PLEKHG1: variants seen among roughly 807,000 people sequenced by gnomAD.
The protein encoded by PLEKHG1 is pleckstrin homology and RhoGEF domain containing G1.
In PLEKHG1, 44 loss-of-function variants were observed where a neutral mutation model predicts 100.8. That is an observed-to-expected ratio of 0.44 (90% CI 0.34 to 0.56). PLEKHG1 has a LOEUF of 0.56. PLEKHG1 is among the 20% of genes least tolerant of loss of function. PLEKHG1 has a pLI of 0.01. For missense variants in PLEKHG1, 1,545 were observed against 1,720.9 expected, an observed-to-expected ratio of 0.90 and a Z score of 1.81; for synonymous variants, 640 against 662.5, an observed-to-expected ratio of 0.97 and a Z score of 0.52.
chr6:150,816,490 G>A (rs1393994345), intron 10 of PLEKHG1, among the ~76,000 whole-genome samples: 1 of 151,736 alleles, frequency 6.6e-6, no homozygotes, highest in Non-Finnish European at 1.5e-5. Context: ...ACCACGCACA[G>A]CTAATTTTTG....
At chr6:150,675,281 C>G (rs567636209) in intron 3 of PLEKHG1, among the ~76,000 whole-genome samples, 2 of 152,308 alleles carry the variant, frequency 1.3e-5, no homozygotes, top group African/African-American at 4.8e-5. Flanking sequence ...GATGGGCAAA[C>G]TTGCATGATT....
At chr6:150,611,318 G>A (rs917681058) in intron 1 of PLEKHG1, among the ~76,000 whole-genome samples, 1 of 152,198 alleles carries the variant, frequency 6.6e-6, no homozygotes, top group African/African-American at 2.4e-5. Context: ...TATTCAGAAT[G>A]TAGCACTCTT....
At chr6:150,604,495 A>C (rs1176294636) in intron 1 of PLEKHG1, among the ~76,000 whole-genome samples, 1 of 152,244 alleles carries the variant, frequency 6.6e-6, no homozygotes, top group Admixed American at 6.5e-5. Flanking sequence ...AGGCCATACA[A>C]AAACAGGCTG....
chr6:150,803,810 T>C (rs931489676), intron 6 of PLEKHG1, among the ~76,000 whole-genome samples: 2 of 152,144 alleles, frequency 1.3e-5, no homozygotes, highest in Non-Finnish European at 2.9e-5. Context: ...ATTAAGGTCC[T>C]GTATGAAACA....
chr6:150,673,061 G>T (rs889923161), intron 3 of PLEKHG1, among the ~76,000 whole-genome samples: 21 of 151,886 alleles, frequency 1.4e-4, no homozygotes, highest in African/African-American at 5.1e-4. Flanking sequence ...TTTCATAGTC[G>T]GCCGGAAAGC....
intron 1 of PLEKHG1, among the ~76,000 whole-genome samples, chr6:150,632,308 T>C (rs1259027223): frequency 1.3e-5 from 2 of 152,272 alleles, no homozygotes; most frequent in African/African-American, 4.8e-5. Context: ...TGGACTTTTT[T>C]TAACAGTAGG....
At chr6:150,610,257 A>C (rs1776767460) in intron 1 of PLEKHG1, among the ~76,000 whole-genome samples, 1 of 152,108 alleles carries the variant, frequency 6.6e-6, no homozygotes, top group South Asian at 2.1e-4. Context: ...ACCTGCCACC[A>C]TGCTTGGCTA....
chr6:150,612,126 C>G (rs1446564597), intron 1 of PLEKHG1, among the ~76,000 whole-genome samples: 1 of 141,408 alleles, frequency 7.1e-6, no homozygotes, highest in African/African-American at 2.6e-5. Flanking sequence ...CCTTCCCTTT[C>G]CTGCCTTGTC....
chr6:150,745,351 C>G (rs980898847), intron 2 of PLEKHG1, among the ~76,000 whole-genome samples: 1 of 152,166 alleles, frequency 6.6e-6, no homozygotes, highest in East Asian at 1.9e-4. Context: ...TTTTGTGGTG[C>G]TTGAACTCTA....
chr6:150,713,277 GA>G (rs542001688), intron 3 of PLEKHG1, among the ~76,000 whole-genome samples: 79 of 149,692 alleles, frequency 5.3e-4, no homozygotes, highest in Non-Finnish European at 8.6e-4. Context: ...TTCTTTAGTT[GA>G]AAAAAAAAAT....
intron 2 of PLEKHG1, among the ~76,000 whole-genome samples, chr6:150,737,571 C>A (rs1297964626): frequency 6.6e-6 from 1 of 152,146 alleles, no homozygotes; most frequent in Non-Finnish European, 1.5e-5. Context: ...GGATTACAGG[C>A]GTGAGCCACC....
At chr6:150,602,965 C>T (rs1453238282) in intron 1 of PLEKHG1, among the ~76,000 whole-genome samples, 1 of 151,228 alleles carries the variant, frequency 6.6e-6, no homozygotes, top group Non-Finnish European at 1.5e-5. Flanking sequence ...CCTGTAGTCC[C>T]AGCTACTCAA....
intron 1 of PLEKHG1, among the ~76,000 whole-genome samples, chr6:150,620,235 T>C (rs1209804185): frequency 2.6e-5 from 4 of 152,242 alleles, no homozygotes; most frequent in African/African-American, 9.6e-5. Context: ...GTTTGATTGT[T>C]AGAAATAATT....
intron 3 of PLEKHG1, among the ~76,000 whole-genome samples, chr6:150,714,513 C>G (rs953663463): frequency 6.6e-6 from 1 of 152,182 alleles, no homozygotes; most frequent in African/African-American, 2.4e-5. Context: ...CAAATCATAA[C>G]TTGGTTGCAA....
At chr6:150,824,070 C>T (rs1776453139) in intron 14 of PLEKHG1, among the ~76,000 whole-genome samples, 1 of 152,232 alleles carries the variant, frequency 6.6e-6, no homozygotes, top group Non-Finnish European at 1.5e-5. Flanking sequence ...CCTCCAAGCG[C>T]GAGCCTTCAT....
chr6:150,698,052 A>T (rs1390258824), intron 3 of PLEKHG1, among the ~76,000 whole-genome samples: 3 of 152,086 alleles, frequency 2.0e-5, no homozygotes, highest in Non-Finnish European at 4.4e-5. Flanking sequence ...AATGCTTGGG[A>T]CCACAAGTGT....
At chr6:150,839,887 C>T in exon 16 of PLEKHG1, 1 of 1,614,036 alleles carries the variant, frequency 6.2e-7, no homozygotes, top group Non-Finnish European at 8.5e-7. Flanking sequence ...TTCAGAGAGT[C>T]TCCCTTGAAA....
chr6:150,615,556 T>A (rs1233925475), intron 1 of PLEKHG1, among the ~76,000 whole-genome samples: 1 of 152,172 alleles, frequency 6.6e-6, no homozygotes, highest in African/African-American at 2.4e-5. Flanking sequence ...CGAATATAAA[T>A]CTTATATATT....
chr6:150,816,111 T>C (rs1562545970), intron 10 of PLEKHG1, among the ~76,000 whole-genome samples: 1 of 152,120 alleles, frequency 6.6e-6, no homozygotes, highest in South Asian at 2.1e-4. Flanking sequence ...GACAGTCCCA[T>C]CTGGGGGTGA....
Sources: gnomAD v4.1 joint callset for allele counts (sites outside exome capture counted in the v4.1 genomes callset) on GRCh38, gnomAD v4.1.1 for gene constraint, MANE v1.5 for transcripts, NCBI Gene and HGNC (gene_info 2026-07-23, HGNC 2026-07-21) for gene names.